The following MID1 variants were observed in gnomAD, a reference collection of about 807,000 sequenced individuals.
The protein encoded by MID1 is midline 1, also known as E3 ubiquitin-protein ligase Midline-1.
In MID1, 7 loss-of-function variants were observed where a neutral mutation model predicts 40.4. The observed-to-expected ratio is 0.17, with a 90% confidence interval of 0.10 to 0.33. The LOEUF (loss-of-function observed/expected upper bound fraction) is 0.33, where lower values mean the gene tolerates loss of function less well. MID1 is among the 10% of genes least tolerant of loss of function. The pLI is 1.00. For missense variants in MID1, 367 were observed against 558.5 expected, an observed-to-expected ratio of 0.66 and a Z score of 3.46; for synonymous variants, 229 against 221.2, an observed-to-expected ratio of 1.04 and a Z score of -0.31.
At chrX:10,717,570 G>A (rs1271269843) in intron 1 of MID1, among the ~76,000 whole-genome samples, 1 of 109,743 alleles carries the variant, frequency 9.1e-6, no homozygotes, top group African/African-American at 3.3e-5. Flanking sequence ...CCTACAAAGA[G>A]ACTTAGACTC....
At chrX:10,703,228 C>T (rs1242428991) in intron 1 of MID1, among the ~76,000 whole-genome samples, 2 of 112,499 alleles carry the variant, frequency 1.8e-5, no homozygotes, top group Admixed American at 9.4e-5. Flanking sequence ...ATCATGCCAT[C>T]AGCACCTTTA....
intron 1 of MID1, among the ~76,000 whole-genome samples, chrX:10,595,977 A>T (rs1046097740): frequency 1.6e-4 from 18 of 111,954 alleles, no homozygotes; most frequent in Admixed American, 3.8e-4. Context: ...ATTTTTTTTA[A>T]AAAAAATTTC....
At chrX:10,607,006 T>TA (rs1484309256) in intron 1 of MID1, among the ~76,000 whole-genome samples, 5 of 112,391 alleles carry the variant, frequency 4.4e-5, no homozygotes, top group Non-Finnish European at 9.4e-5. Flanking sequence ...GTGCTGGAGT[T>TA]ACAGGTGTGA....
intron 1 of MID1, among the ~76,000 whole-genome samples, chrX:10,781,357 G>C (rs921684608): frequency 2.7e-5 from 3 of 111,649 alleles, no homozygotes; most frequent in African/African-American, 9.8e-5. Context: ...TGATGTGCAG[G>C]CTCCTTGAAA....
intron 3 of MID1, among the ~76,000 whole-genome samples, chrX:10,508,181 G>A (rs1931938864): frequency 1.8e-5 from 2 of 112,096 alleles, no homozygotes; most frequent in Non-Finnish European, 3.8e-5. Flanking sequence ...AACAAGCAGC[G>A]AACATGCCAA....
chrX:10,704,914 C>A (rs972601153), intron 1 of MID1, among the ~76,000 whole-genome samples: 1 of 108,374 alleles, frequency 9.2e-6, no homozygotes, highest in Non-Finnish European at 1.9e-5. Flanking sequence ...CAGGCACGTG[C>A]CACCACGCCC....
intron 1 of MID1, among the ~76,000 whole-genome samples, chrX:10,818,275 G>C (rs965500204): frequency 8.9e-6 from 1 of 112,078 alleles, no homozygotes; most frequent in Non-Finnish European, 1.9e-5. Context: ...CGTTACAATG[G>C]TTGCCTGAAA....
At position 10,567,237 on chromosome X, in the gene MID1, C is replaced by T. The variant is rs199516073; in HGVS notation, c.311G>A (p.Arg104Gln). The T allele has an allele frequency of 3.3e-6, 4 of 1,209,433 alleles. No homozygotes were observed. The highest frequency in any genetic ancestry group is 4.5e-6 in the Non-Finnish European group (4 of 893,928). The change falls in exon 2 of 10, where the codon CGG (arginine) becomes CAG (glutamine). Residue 104 changes from arginine (R) to glutamine (Q), a missense_variant. Coordinates refer to ENST00000317552, the MANE Select transcript of MID1 (RefSeq NM_000381.4). ...PNSPSETRRERAFDANTMTSA... is the reference protein window; with the variant it reads ...PNSPSETRREQAFDANTMTSA... Reference sequence around the variant, plus strand: ...GGTCATGGTGTTGGCGTCAAAGGCCCGCTCCCGACGGGTCTCGCTGGGAGA... The same window carrying T: ...GGTCATGGTGTTGGCGTCAAAGGCCTGCTCCCGACGGGTCTCGCTGGGAGA...
At chrX:10,480,925 G>A (rs181206611) in intron 5 of MID1, among the ~76,000 whole-genome samples, 55 of 112,413 alleles carry the variant, frequency 4.9e-4, no homozygotes, top group Non-Finnish European at 4.9e-4. Context: ...GCGATATTTT[G>A]AGAATTAGCA....
chrX:10,523,919 A>G (rs7065052), intron 2 of MID1, among the ~76,000 whole-genome samples: 8,523 of 111,697 alleles, frequency 0.076, 800 homozygotes, highest in African/African-American at 0.26. Context: ...ATCTAGAGAG[A>G]ATTTAAGGTA....
chrX:10,738,607 C>A (rs1200367544), intron 1 of MID1, among the ~76,000 whole-genome samples: 1 of 110,702 alleles, frequency 9.0e-6, no homozygotes, highest in East Asian at 2.8e-4. Flanking sequence ...AGAAGAAATA[C>A]TGTTTTAGGA....
chrX:10,685,916 A>ACT (rs1332956569), intron 1 of MID1, among the ~76,000 whole-genome samples: 2 of 108,845 alleles, frequency 1.8e-5, no homozygotes, highest in African/African-American at 3.4e-5. Context: ...ACACACACAC[A>ACT]CACTCACCCC....
At chrX:10,816,019 G>A (rs1226892847) in intron 1 of MID1, among the ~76,000 whole-genome samples, 1 of 111,640 alleles carries the variant, frequency 9.0e-6, no homozygotes, top group Non-Finnish European at 1.9e-5. Context: ...CAGACTCTCA[G>A]GCTTCATTCT....
chrX:10,741,074 A>T lies in MID1; in HGVS notation c.-187+92480T>A, dbSNP rs1277476110. On this transcript the variant is annotated intron_variant, in intron 1 of 10. Coordinates refer to the MID1 transcript ENST00000380785. Reference sequence around the variant, plus strand: ...CAAAAAAGAGAAAAGTTTCATTGTGATCGTGCAAAGGAGTATCTGTGCTTT... The same window carrying T: ...CAAAAAAGAGAAAAGTTTCATTGTGTTCGTGCAAAGGAGTATCTGTGCTTT... Among the ~76,000 whole-genome samples the T allele has an allele frequency of 2.6e-4, 29 of 111,901 alleles. No individual in the cohort carries two copies. The Admixed American group carries it at 2.8e-3, about 11-fold the overall frequency.
chrX:10,455,396 T>C (rs1433737771), intron 8 of MID1, among the ~76,000 whole-genome samples: 1 of 111,539 alleles, frequency 9.0e-6, no homozygotes, highest in East Asian at 2.8e-4. Context: ...AGTCTACCAG[T>C]TCTAAGATAG....
intron 1 of MID1, among the ~76,000 whole-genome samples, chrX:10,667,627 G>A (rs2042958739): frequency 8.9e-6 from 1 of 111,903 alleles, no homozygotes; most frequent in Non-Finnish European, 1.9e-5. Flanking sequence ...ACCAGGAACA[G>A]GGGTGTGTGG....
intron 2 of MID1, among the ~76,000 whole-genome samples, chrX:10,539,810 T>C (rs1253249615): frequency 8.9e-6 from 1 of 112,566 alleles, no homozygotes; most frequent in Non-Finnish European, 1.9e-5. Flanking sequence ...AGTGGTGTGG[T>C]TACAGTTCAC....
chrX:10,660,070 C>T (rs1463636521), intron 1 of MID1, among the ~76,000 whole-genome samples: 1 of 112,045 alleles, frequency 8.9e-6, no homozygotes, highest in Non-Finnish European at 1.9e-5. Flanking sequence ...TATTCCCACC[C>T]TCTGACCCCA....
At chrX:10,833,297 C>T (rs1314332720) in intron 1 of MID1, among the ~76,000 whole-genome samples, 1 of 111,838 alleles carries the variant, frequency 8.9e-6, no homozygotes, top group Admixed American at 9.5e-5. Context: ...TTGCTCATCA[C>T]GACAGTATAG....
Sources: allele counts gnomAD v4.1 joint callset (sites outside exome capture counted in the v4.1 genomes callset), GRCh38; gene constraint gnomAD v4.1.1; transcripts MANE v1.5; gene names NCBI Gene and HGNC (gene_info 2026-07-23, HGNC 2026-07-21).